CATSPERT: variants seen among roughly 807,000 people sequenced by gnomAD.
CATSPERT encodes the protein catsper channel auxiliary subunit tau.
the CATSPERT span, among the ~76,000 whole-genome samples, chr2:201,537,721 A>G: frequency 2.0e-5 from 3 of 151,946 alleles, no homozygotes; most frequent in South Asian, 6.2e-4. Context: ...ACACAGGTAC[A>G]TGCTATATTT....
chr2:201,601,632 C>G, the CATSPERT span: 1 of 1,066,202 alleles, frequency 9.4e-7, no homozygotes, highest in African/African-American at 1.6e-5. Flanking sequence ...AAGGCACTTA[C>G]TGCTTTTGTT....
the CATSPERT span, among the ~76,000 whole-genome samples, chr2:201,541,995 G>A: frequency 6.6e-6 from 1 of 152,102 alleles, no homozygotes; most frequent in Non-Finnish European, 1.5e-5. Context: ...TTGGGTTCAT[G>A]CAATCCTCCT....
the CATSPERT span, chr2:201,565,895 A>C: frequency 6.4e-7 from 1 of 1,562,664 alleles, no homozygotes; most frequent in Non-Finnish European, 8.7e-7. Flanking sequence ...AATAAAGTGA[A>C]ATATTGAAAT....
the CATSPERT span, among the ~76,000 whole-genome samples, chr2:201,540,002 C>A: frequency 6.6e-6 from 1 of 152,146 alleles, no homozygotes; most frequent in Non-Finnish European, 1.5e-5. Context: ...CAGCTTATTG[C>A]AGATATGGAG....
At chr2:201,524,144 T>A in the CATSPERT span, among the ~76,000 whole-genome samples, 1 of 151,730 alleles carries the variant, frequency 6.6e-6, no homozygotes, top group Non-Finnish European at 1.5e-5. Context: ...GACATATAGA[T>A]GACCATCCCC....
At chr2:201,520,366 C>T in the CATSPERT span, among the ~76,000 whole-genome samples, 1 of 152,194 alleles carries the variant, frequency 6.6e-6, no homozygotes, top group Non-Finnish European at 1.5e-5. Flanking sequence ...GCAGAAAATA[C>T]ATTCTTTTCT....
At chr2:201,575,434 A>G in the CATSPERT span, 3 of 695,558 alleles carry the variant, frequency 4.3e-6, no homozygotes, top group Non-Finnish European at 6.5e-6. Context: ...GTGCTGGTCC[A>G]TGGCCCATTA....
the CATSPERT span, among the ~76,000 whole-genome samples, chr2:201,581,088 G>A: frequency 2.6e-5 from 4 of 151,978 alleles, no homozygotes; most frequent in African/African-American, 7.3e-5. Flanking sequence ...TTCTGTACAC[G>A]ATAAATATAT....
chr2:201,511,328 T>C, the CATSPERT span, among the ~76,000 whole-genome samples: 2 of 152,160 alleles, frequency 1.3e-5, no homozygotes, highest in Non-Finnish European at 2.9e-5. Context: ...GTTTAGCAAG[T>C]GTCTATTATG....
chr2:201,498,905 G>A, the CATSPERT span, among the ~76,000 whole-genome samples: 1 of 150,894 alleles, frequency 6.6e-6, no homozygotes, highest in African/African-American at 2.4e-5. Context: ...TGACAGGGAA[G>A]CAGAGTAACG....
the CATSPERT span, chr2:201,550,644 T>C: frequency 6.6e-6 from 1 of 152,228 alleles, no homozygotes; most frequent in Non-Finnish European, 1.5e-5. Flanking sequence ...GACTAATCTC[T>C]ATACAATGAT....
At chr2:201,560,052 A>G in the CATSPERT span, among the ~76,000 whole-genome samples, 1 of 152,246 alleles carries the variant, frequency 6.6e-6, no homozygotes, top group East Asian at 1.9e-4. Context: ...CATGATTTAA[A>G]TGATAAATTC....
chr2:201,581,828 G>A, the CATSPERT span, among the ~76,000 whole-genome samples: 24 of 151,132 alleles, frequency 1.6e-4, no homozygotes, highest in Non-Finnish European at 3.1e-4. Context: ...GGCTGGTCTC[G>A]AACTCCCGAC....
the CATSPERT span, among the ~76,000 whole-genome samples, chr2:201,590,295 T>C: frequency 1.3e-5 from 2 of 151,972 alleles, no homozygotes; most frequent in Admixed American, 6.6e-5. Flanking sequence ...TTCATCCATG[T>C]CCCTACAAAG....
chr2:201,494,685 T>G, the CATSPERT span: 9 of 1,533,650 alleles, frequency 5.9e-6, no homozygotes, highest in Non-Finnish European at 7.9e-6. Flanking sequence ...TATCTTGATC[T>G]TTTCTTTTTC....
At chr2:201,579,916 A>G in the CATSPERT span, among the ~76,000 whole-genome samples, 110 of 149,230 alleles carry the variant, frequency 7.4e-4, 1 homozygote, top group East Asian at 0.02. Flanking sequence ...CAGTAGCACG[A>G]TCATAGCTCA....
the CATSPERT span, among the ~76,000 whole-genome samples, chr2:201,548,408 C>T: frequency 6.6e-6 from 1 of 152,070 alleles, no homozygotes; most frequent in Non-Finnish European, 1.5e-5. Context: ...ACCCTCATGA[C>T]CTAATCTAAC....
chr2:201,493,439 C>T, the CATSPERT span: 2 of 1,537,124 alleles, frequency 1.3e-6, no homozygotes, highest in Non-Finnish European at 1.7e-6. Context: ...TTTAGGTTTC[C>T]TTTAGGAGAA....
chr2:201,495,889 A>G, the CATSPERT span: 1 of 1,548,468 alleles, frequency 6.5e-7, no homozygotes. Context: ...ATAATTCAGG[A>G]CTCACCTGAA....
Sources: allele counts gnomAD v4.1 joint callset (sites outside exome capture counted in the v4.1 genomes callset), GRCh38; gene constraint gnomAD v4.1.1; transcripts MANE v1.5; gene names NCBI Gene and HGNC (gene_info 2026-07-23, HGNC 2026-07-21).